Variants in ARAP3 observed in about 807,000 individuals in gnomAD.
ARAP3 encodes arf-GAP with Rho-GAP domain, ANK repeat and PH domain-containing protein 3.
A neutral mutation model predicts 169.2 loss-of-function variants in ARAP3; 82 were observed. That is an observed-to-expected ratio of 0.48 (90% CI 0.41 to 0.58). The LOEUF (loss-of-function observed/expected upper bound fraction) is 0.58. Among genes scored for constraint, ARAP3 ranks in the 20% least tolerant of loss-of-function variants. ARAP3 has a pLI of 0.00. For synonymous variants in ARAP3, 791 were observed against 800.3 expected (o/e 0.99, Z 0.20); for missense variants, 1,764 against 2,018.0 (o/e 0.87, Z 2.41).
chr5:141,681,125 C>T (rs566938914), intron 1 of ARAP3, among the ~76,000 whole-genome samples: 8 of 152,330 alleles, frequency 5.3e-5, no homozygotes, highest in Admixed American at 2.6e-4. Context: ...CCTCCACATC[C>T]TGCCTGCTTT....
At chr5:141,661,167 G>A (rs946625779) in intron 21 of ARAP3, among the ~76,000 whole-genome samples, 14 of 150,876 alleles carry the variant, frequency 9.3e-5, no homozygotes, top group Non-Finnish European at 1.3e-4. Flanking sequence ...GTGCTCAAGC[G>A]ATTCTCGTGC....
At chr5:141,659,352 C>G in intron 23 of ARAP3, 56 bp downstream of exon 23, 1 of 1,534,108 alleles carries the variant, frequency 6.5e-7, no homozygotes, top group East Asian at 2.2e-5. Flanking sequence ...AAGTCAGCTT[C>G]CTGTCCTGAT....
chr5:141,673,614 G>T lies in ARAP3; in HGVS notation c.893C>A (p.Ser298Tyr). 6.2e-7 allele frequency: 1 copy of T among 1,613,994 alleles called. No homozygotes were observed. The highest frequency in any genetic ancestry group is 8.5e-7 in the Non-Finnish European group (1 of 1,179,888). The change falls in exon 5 of 33, where the codon TCC (serine) becomes TAC (tyrosine). Residue 298 changes from serine (S) to tyrosine (Y), a missense_variant. This residue lies in a region of ARAP3 where 630 missense variants were observed against 678.7 expected (regional missense o/e 0.93). Transcript: ENST00000239440. ...PLLSGWLDKL[S>Y]PQGNYVFQRR... ...CCCTCCCAGCACCCACCCCTGAGGG[G>T]AGAGCTTGTCTAGCCAGCCACTGAG...
chr5:141,655,474 G>A, intron 31 of ARAP3, 74 bp from the exon 32 acceptor site: 1 of 1,579,440 alleles, frequency 6.3e-7, no homozygotes, highest in East Asian at 2.3e-5. Flanking sequence ...ACAGGAGACA[G>A]GGGTGGGGAA....
chr5:141,659,840 C>T lies in ARAP3; in HGVS notation c.3206G>A (p.Arg1069Gln), dbSNP rs188314811. The T allele has an allele frequency of 1.7e-5, 27 of 1,609,240 alleles. No individual in the cohort carries two copies. The highest frequency in any genetic ancestry group is 1.3e-4 in the South Asian group (12 of 89,684). Residue 1069 changes from arginine (R) to glutamine (Q), a missense_variant, in exon 22 of 33, where the codon CGA becomes CAA. Physicochemically the swap from Arg to Gln is conservative, Grantham distance 43. This residue lies in a region of ARAP3 where 1,112 missense variants were observed against 1,285.7 expected (regional missense o/e 0.86). Coordinates refer to ENST00000239440, the MANE Select transcript of ARAP3 (RefSeq NM_022481.6). ...FAPSVFQTDG[R>Q]GEHEVRVLQE... is the part of the protein sequence containing the mutation. The stretch of plus-strand genomic sequence containing the variant: ...CAGCACTCGCACCTCGTGCTCCCCT[C>T]GCCCATCCGTCTGGAACACGCTGGG...
At position 141,664,968 on chromosome 5, in the gene ARAP3, G is replaced by A; in HGVS notation, c.2754C>T (p.Asp918=). The A allele has an allele frequency of 6.2e-7, 1 of 1,612,396 alleles. No homozygotes were observed. The highest frequency in any genetic ancestry group is 8.5e-7 in the Non-Finnish European group (1 of 1,179,834). The change falls in exon 19 of 33, where the codon GAC becomes GAT. Residue 918 remains aspartate (D), a synonymous_variant. Transcript: ENST00000239440. ...GLQEQQMSRG[D]IPIIVDACIS... ...TGCAGGCATCCACGATGATGGGGATGTCACCCCGGCTCATCTGCTGCTCCT... is the reference window on the plus strand; with the variant it reads ...TGCAGGCATCCACGATGATGGGGATATCACCCCGGCTCATCTGCTGCTCCT...
intron 16 of ARAP3, among the ~76,000 whole-genome samples, chr5:141,667,115 T>C (rs1228357821): frequency 2.0e-5 from 3 of 152,018 alleles, no homozygotes; most frequent in Non-Finnish European, 4.4e-5. Context: ...GGTTTTGCCA[T>C]GTTGCCCAGG....
rs1217183062 is a variant in ARAP3, at chr5:141,656,780, G to T, written c.3593C>A (p.Pro1198His). The change falls in exon 26 of 33, where the codon CCC (proline) becomes CAC (histidine). Residue 1198 changes from proline to histidine, a missense_variant. By Grantham distance (77) the Pro-to-His change is moderately conservative (BLOSUM62 -2). Coordinates refer to ENST00000239440, the MANE Select transcript of ARAP3 (RefSeq NM_022481.6). ...TTTCAAGAGCAGGGAAGCTGAGCAG[G>T]GCTCTGGGAGCTGGCACCATTGTAA... ...QALQWCQLPE[P>H]CSASLLLKKV... 1 of 1,612,302 alleles carries T rather than the reference G, an allele frequency of 6.2e-7. No individual in the cohort carries two copies. The highest frequency in any genetic ancestry group is 1.7e-5 in the Admixed American group (1 of 59,676).
intron 25 of ARAP3, 132 bp from the exon 26 acceptor site, chr5:141,656,978 G>C (rs1404519105): frequency 3.1e-6 from 4 of 1,286,920 alleles, no homozygotes; most frequent in African/African-American, 1.5e-5. Context: ...TCTATGCCAG[G>C]AACTGTGCTG....
intron 4 of ARAP3, among the ~76,000 whole-genome samples, chr5:141,676,610 T>C (rs1484522819): frequency 1.3e-5 from 2 of 152,174 alleles, no homozygotes. Context: ...AGGACACAGC[T>C]GGCCTCTCCC....
chr5:141,665,180 C>A, intron 18 of ARAP3, 95 bp from the exon 19 acceptor site: 1 of 1,561,958 alleles, frequency 6.4e-7, no homozygotes, highest in Non-Finnish European at 8.7e-7. Context: ...GGCAGCAACA[C>A]CCAACCCAAA....
Position 141,671,674 on chromosome 5 carries a change from C to A in ARAP3, c.1750G>T (p.Asp584Tyr), listed in dbSNP as rs761540433. 1 of 1,613,634 alleles carries A rather than the reference C, an allele frequency of 6.2e-7. No homozygotes were observed. Among genetic ancestry groups the A allele is most frequent in the African/African-American group, 1.3e-5 (1 of 75,032 alleles). Residue 584 changes from aspartate to tyrosine, a missense_variant, in exon 12 of 33, where the codon GAT becomes TAT. Asp to Tyr is a radical substitution (Grantham distance 160, BLOSUM62 -3). Transcript: ENST00000239440. The surrounding 1 kb of genome is among the most constrained non-coding windows in gnomAD (Gnocchi z 4.9). ...TLPPGEGLHP[D>Y]ATPGPRGEFI... ...TCTCCCCGGGGGCCAGGGGTCGCAT[C>A]TGGATGTAGTCCCTCACCTGGGGGT...
At position 141,666,414 on chromosome 5, in the gene ARAP3, CCCCG is replaced by C. The variant is rs1562413020; in HGVS notation, c.2572+6_2572+9del. 4 of 1,558,580 alleles carry C rather than the reference CCCCG, an allele frequency of 2.6e-6. No individual in the cohort carries two copies. On this transcript the variant is annotated splice_donor_region_variant and intron_variant, in intron 17 of 32. Transcript: ENST00000239440. The stretch of plus-strand genomic sequence containing the variant: ...CCTTCATCCCTGTCCCCCCAAACCT[CCCCG>C]CTTACTGATCTCCTGTAGCCGCCGC...
chr5:141,678,541 CTCT>C (rs2099912520), intron 4 of ARAP3, among the ~76,000 whole-genome samples: 1 of 151,976 alleles, frequency 6.6e-6, no homozygotes, highest in Non-Finnish European at 1.5e-5. Flanking sequence ...CCCCCAAGCC[CTCT>C]TTTTTTTTTT....
chr5:141,656,537 A>G lies in ARAP3; in HGVS notation c.3756T>C (p.Arg1252=), dbSNP rs779670102. ...SRFQERFFLL[R]GRCLLLLKEK... ...CCTTGAGCAGCAGCAGGCAGCGGCCACGCAGCAGAAAGAACCTCTCCTGGA... is the reference window on the plus strand; with the variant it reads ...CCTTGAGCAGCAGCAGGCAGCGGCCGCGCAGCAGAAAGAACCTCTCCTGGA... Residue 1252 remains arginine (R), a synonymous_variant, in exon 27 of 33, where the codon CGT becomes CGC. Coordinates refer to ENST00000239440, the MANE Select transcript of ARAP3 (RefSeq NM_022481.6). 5.0e-6 allele frequency: 8 copies of G among 1,612,512 alleles called. No individual in the cohort carries two copies. In the East Asian group the frequency reaches 1.8e-4, roughly 36 times the overall value.
chr5:141,662,134 C>T lies in ARAP3; in HGVS notation c.2922G>A (p.Glu974=), dbSNP rs2099910045. The change falls in exon 20 of 33, where the codon GAG becomes GAA. Residue 974 remains glutamate, a synonymous_variant. Transcript: ENST00000239440. ...VKLRPGEHFV[E]DVTDTLKRFF... ...AGCGTTTGAGTGTGTCAGTGACATC[C>T]TCCACAAAGTGCTCCCCTGGTCGGA... 1 of 1,614,226 alleles carries T rather than the reference C, an allele frequency of 6.2e-7. No homozygotes were observed. Among genetic ancestry groups the T allele is most frequent in the Admixed American group, 1.7e-5 (1 of 60,034 alleles).
chr5:141,658,743 A>C, intron 23 of ARAP3, 90 bp from the exon 24 acceptor site: 1 of 1,174,762 alleles, frequency 8.5e-7, no homozygotes, highest in Non-Finnish European at 1.2e-6. Flanking sequence ...CTCATAAGTG[A>C]CTCTTCCAAC....
At chr5:141,666,874 TG>T (rs2099910720) in intron 16 of ARAP3, 1 of 405,262 alleles carries the variant, frequency 2.5e-6, no homozygotes, top group Non-Finnish European at 4.4e-6. Flanking sequence ...CAATTCAGTT[TG>T]CTCTCCCCAA....
At chr5:141,676,381 C>T (rs890762681) in intron 4 of ARAP3, among the ~76,000 whole-genome samples, 1 of 152,184 alleles carries the variant, frequency 6.6e-6, no homozygotes, top group Non-Finnish European at 1.5e-5. Flanking sequence ...CTTGACTCAG[C>T]TTCCTCTAGC....
Sources: gnomAD v4.1 joint callset for allele counts (sites outside exome capture counted in the v4.1 genomes callset) on GRCh38, gnomAD v4.1.1 for gene constraint, gnomAD v4.1.1 regional missense constraint, Gnocchi (gnomAD v3.1) non-coding constraint, MANE v1.5 for transcripts, NCBI Gene and HGNC (gene_info 2026-07-23, HGNC 2026-07-21) for gene names.